Variants in RASA2 observed in about 807,000 individuals in gnomAD.
RASA2 encodes the protein RAS p21 protein activator 2.
Under a neutral mutation model 118.2 loss-of-function variants are expected in RASA2, and 155 were observed. That is an observed-to-expected ratio of 1.31 (90% CI 1.15 to 1.50). The LOEUF (loss-of-function observed/expected upper bound fraction) is 1.50, where lower values mean the gene tolerates loss of function less well. Ranked by LOEUF, RASA2 falls within the 40% of genes most tolerant of loss-of-function variation. The pLI is 0.00. For synonymous variants in RASA2, 353 were observed against 349.1 expected (o/e 1.01, Z -0.12); for missense variants, 1,016 against 1,009.6 (o/e 1.01, Z -0.09).
Position 141,610,037 on chromosome 3 carries a change from A to G in RASA2, c.2490A>G (p.Lys830=), listed in dbSNP as rs774950156. Residue 830 remains lysine (K), a synonymous_variant, in exon 23 of 24, where the codon AAA becomes AAG. Coordinates refer to ENST00000286364, the MANE Select transcript of RASA2 (RefSeq NM_006506.5). The part of the protein sequence containing the change: ...LDEPHEKYRK[K]RSSSAKYGSK... ...AACCTCATGAAAAATATAGGAAGAA[A>G]AGATCCAGTAGTGCAAAATATGGGA... The G allele has an allele frequency of 6.2e-7, 1 of 1,602,152 alleles. No homozygotes were observed. Among genetic ancestry groups the G allele is most frequent in the Admixed American group, 1.7e-5 (1 of 58,060 alleles).
chr3:141,589,982 A>C (rs1399401341), intron 19 of RASA2: 1 of 380,346 alleles, frequency 2.6e-6, no homozygotes, highest in Admixed American at 3.4e-5. Context: ...AGAAGTTTAA[A>C]ATTTTGGAAT....
At position 141,527,496 on chromosome 3, in the gene RASA2, T is replaced by C. The variant is rs1459282782; in HGVS notation, c.356-2212T>C. ...GCTTCAGCTATAGGATGTATAGATG[T>C]ATTTCTGTATGTACATATATATTTT... On this transcript the variant is annotated intron_variant, in intron 3 of 23. Transcript: ENST00000286364. Among the ~76,000 whole-genome samples, 3 of 152,094 alleles carry C rather than the reference T, an allele frequency of 2.0e-5. No individual in the cohort carries two copies. In the South Asian group the frequency reaches 6.2e-4, roughly 31 times the overall value.
At chr3:141,578,586 C>T (rs904640085) in intron 15 of RASA2, 5 of 152,208 alleles carry the variant, frequency 3.3e-5, no homozygotes, top group Non-Finnish European at 5.9e-5. Context: ...CCTTTCTTGC[C>T]AAAGGATAAA....
At chr3:141,572,580 A>C (rs942535183) in intron 11 of RASA2, 29 bp from the exon 12 acceptor site, 8 of 1,493,746 alleles carry the variant, frequency 5.4e-6, no homozygotes, top group Non-Finnish European at 7.5e-6. Flanking sequence ...TTTGTTTACT[A>C]CATTTGGTTT....
chr3:141,560,080 A>G (rs374864361), intron 9 of RASA2, 85 bp downstream of exon 9: 17 of 1,059,640 alleles, frequency 1.6e-5, no homozygotes, highest in South Asian at 8.2e-5. Flanking sequence ...TACTCTGAAC[A>G]TATTTTAAAT....
chr3:141,610,467 TTATATATATAA>T (rs2083631055), intron 23 of RASA2, among the ~76,000 whole-genome samples: 1 of 110,684 alleles, frequency 9.0e-6, no homozygotes, highest in African/African-American at 4.5e-5. Flanking sequence ...TATTTATATA[TTATATATATAA>T]ATATATATAT....
At chr3:141,487,770 AGCTGCAGGAAACGG>A (rs1387025764) in intron 1 of RASA2, among the ~76,000 whole-genome samples, 22 of 151,826 alleles carry the variant, frequency 1.4e-4, no homozygotes, top group Admixed American at 3.3e-4. Context: ...AGGCGCCCTG[AGCTGCAGGAAACGG>A]GCCGCCCTGG....
At position 141,612,658 on chromosome 3, in the gene RASA2, G is replaced by A. The variant is rs2083670312; in HGVS notation, c.*345G>A. On this transcript the variant is annotated 3_prime_UTR_variant, in exon 24 of 24. Transcript: ENST00000286364. Reference sequence around the variant, plus strand: ...ATCTCTTCTTGTAACACTCTGTTCTGTGGACTTGTTTTCACTACCATCAGT... The same window carrying A: ...ATCTCTTCTTGTAACACTCTGTTCTATGGACTTGTTTTCACTACCATCAGT... 1 of 199,196 alleles carries A rather than the reference G, an allele frequency of 5.0e-6. No individual in the cohort carries two copies. The highest frequency in any genetic ancestry group is 1.0e-5 in the Non-Finnish European group (1 of 98,814). 12.3% of individuals were successfully genotyped at this position (199,196 alleles called of 1,614,324 possible). A position where few individuals can be genotyped will look rare whatever the true frequency, so the allele number is the denominator to read the frequency against.
chr3:141,559,940 G>A lies in RASA2; in HGVS notation c.808G>A (p.Gly270Ser). The part of the protein sequence containing the change: ...NGNLVQDVFL[G>S]EIKVPVNVLR... ...AAACCTAGTCCAAGATGTTTTCCTA[G>A]GTGAGATTAAGGTTCCTGTGAACGT... Residue 270 changes from glycine (G) to serine (S), a missense_variant, in exon 9 of 24, where the codon GGT becomes AGT. Gly to Ser is a moderately conservative substitution (Grantham distance 56, BLOSUM62 0). Coordinates refer to ENST00000286364, the MANE Select transcript of RASA2 (RefSeq NM_006506.5). 5 of 1,613,280 alleles carry A rather than the reference G, an allele frequency of 3.1e-6. No homozygotes were observed. The highest frequency in any genetic ancestry group is 4.2e-6 in the Non-Finnish European group (5 of 1,179,464).
chr3:141,550,850 C>G (rs184479361), intron 5 of RASA2, among the ~76,000 whole-genome samples: 1 of 152,206 alleles, frequency 6.6e-6, no homozygotes, highest in African/African-American at 2.4e-5. Flanking sequence ...GAGTGAGACT[C>G]TGTCTCAAAA....
Position 141,487,063 on chromosome 3 carries a change from C to T in RASA2, c.-21C>T, listed in dbSNP as rs760033576. On this transcript the variant is annotated 5_prime_UTR_variant, in exon 1 of 24. Coordinates refer to ENST00000286364, the MANE Select transcript of RASA2 (RefSeq NM_006506.5). ...CCCGGCTACGCAGGCGGCAGGGCTGCGGCACGGGCCGGGCGGCACCATGGC... is the reference window on the plus strand; with the variant it reads ...CCCGGCTACGCAGGCGGCAGGGCTGTGGCACGGGCCGGGCGGCACCATGGC... The T allele has an allele frequency of 7.2e-6, 9 of 1,247,232 alleles. No homozygotes were observed. The Admixed American group carries it at 3.2e-4, about 44-fold the overall frequency. The allele number at this position is 1,247,232 out of a possible 1,614,324, so 77.3% of individuals were successfully genotyped here.
chr3:141,602,337 A>G (rs1399470486), intron 19 of RASA2, among the ~76,000 whole-genome samples: 1 of 152,206 alleles, frequency 6.6e-6, no homozygotes, highest in Non-Finnish European at 1.5e-5. Flanking sequence ...ATCAGGCATT[A>G]GATTCTCATA....
chr3:141,600,297 T>C, intron 19 of RASA2: 1 of 538,444 alleles, frequency 1.9e-6, no homozygotes, highest in South Asian at 1.4e-5. Flanking sequence ...CTGCCTCACA[T>C]TCTTCTCCTG....
intron 1 of RASA2, among the ~76,000 whole-genome samples, chr3:141,493,134 T>A (rs2081658719): frequency 6.6e-6 from 1 of 152,218 alleles, no homozygotes; most frequent in South Asian, 2.1e-4. Context: ...TTATCAAAGT[T>A]CTTTCTAGAA....
intron 23 of RASA2, 80 bp downstream of exon 23, chr3:141,610,146 C>G: frequency 8.1e-7 from 1 of 1,227,996 alleles, no homozygotes; most frequent in African/African-American, 1.6e-5. Context: ...CTCACACCTC[C>G]TGCTCACCCA....
chr3:141,534,450 C>T (rs1278546449), intron 4 of RASA2, among the ~76,000 whole-genome samples: 1 of 152,152 alleles, frequency 6.6e-6, no homozygotes, highest in East Asian at 1.9e-4. Flanking sequence ...GAGTTTGTCT[C>T]ACACAACTTG....
intron 11 of RASA2, among the ~76,000 whole-genome samples, chr3:141,572,061 T>TATATATATATATATATATAC (rs1250945462): frequency 2.0e-5 from 2 of 98,268 alleles, no homozygotes; most frequent in Non-Finnish European, 3.8e-5. Flanking sequence ...TATATATATA[T>TATATATATATATATATATAC]ACACACACAC....
In RASA2 at chr3:141,614,849, G is replaced by A. The variant is rs1011868886; in HGVS notation, c.*2536G>A. The A allele has an allele frequency of 1.1e-4, 16 of 152,178 alleles. No homozygotes were observed. The highest frequency in any genetic ancestry group is 2.2e-4 in the Non-Finnish European group (15 of 68,040). The allele number at this position is 152,178 out of a possible 1,614,324, so 9.4% of individuals were successfully genotyped here. Reference sequence around the variant, plus strand: ...TTTTAATATCACGGGTAATGGGTAAGTGTGAAAACTAGGCTTTTTTTTATG... The same window carrying A: ...TTTTAATATCACGGGTAATGGGTAAATGTGAAAACTAGGCTTTTTTTTATG... On this transcript the variant is annotated 3_prime_UTR_variant, in exon 24 of 24. Coordinates refer to ENST00000286364, the MANE Select transcript of RASA2 (RefSeq NM_006506.5).
At chr3:141,551,638 G>C (rs1398987085) in intron 5 of RASA2, among the ~76,000 whole-genome samples, 1 of 152,134 alleles carries the variant, frequency 6.6e-6, no homozygotes, top group African/African-American at 2.4e-5. Context: ...GGGGCAGTTG[G>C]AGGGCTCACC....
Sources: gnomAD v4.1 joint callset for allele counts (sites outside exome capture counted in the v4.1 genomes callset) on GRCh38, gnomAD v4.1.1 for gene constraint, MANE v1.5 for transcripts, NCBI Gene and HGNC (gene_info 2026-07-23, HGNC 2026-07-21) for gene names.